MDGA1: variants seen among roughly 807,000 people sequenced by gnomAD.
The protein encoded by MDGA1 is MAM domain containing glycosylphosphatidylinositol anchor 1, also known as MAM domain-containing glycosylphosphatidylinositol anchor protein 1.
In MDGA1, 54 loss-of-function variants were observed where a neutral mutation model predicts 101.5. That is an observed-to-expected ratio of 0.53 (90% CI 0.43 to 0.67). MDGA1 has a LOEUF of 0.67. MDGA1 is among the 30% of genes least tolerant of loss of function. The pLI is 0.00. For synonymous variants in MDGA1, 533 were observed against 558.3 expected (o/e 0.95, Z 0.64); for missense variants, 1,083 against 1,323.8 (o/e 0.82, Z 2.82).
chr6:37,680,127 C>CG (rs1397334491), intron 1 of MDGA1, among the ~76,000 whole-genome samples: 2 of 152,058 alleles, frequency 1.3e-5, no homozygotes, highest in Admixed American at 1.3e-4. Flanking sequence ...ACTCCCCTCC[C>CG]GGGGGCGGGG....
In MDGA1 at chr6:37,691,082, A is replaced by G. The variant is rs555889035; in HGVS notation, c.67+5663T>C. Among the ~76,000 whole-genome samples, 13 of 152,112 alleles carry G rather than the reference A, an allele frequency of 8.5e-5. No homozygotes were observed. The South Asian group carries it at 1.9e-3, about 22-fold the overall frequency. Reference sequence around the variant, plus strand: ...TTATCAAAATCTCCCCCTACCTTACATGTGATTCCCCTTCTCCTTCCATCT... The same window carrying G: ...TTATCAAAATCTCCCCCTACCTTACGTGTGATTCCCCTTCTCCTTCCATCT... On this transcript the variant is annotated intron_variant, in intron 1 of 16. Transcript: ENST00000434837.
At chr6:37,658,968 C>CAAAAAAAAAA (rs34087406) in intron 2 of MDGA1, among the ~76,000 whole-genome samples, 14 of 109,464 alleles carry the variant, frequency 1.3e-4, no homozygotes, top group African/African-American at 4.1e-4. Context: ...AAGACTGTTT[C>CAAAAAAAAAA]AAAAAAAAAA....
chr6:37,691,039 G>A (rs865831032), intron 1 of MDGA1, among the ~76,000 whole-genome samples: 10 of 152,066 alleles, frequency 6.6e-5, no homozygotes, highest in African/African-American at 1.4e-4. Flanking sequence ...CCTTTTATCC[G>A]CCCTTGCTAC....
At chr6:37,671,848 A>C (rs1761875769) in intron 1 of MDGA1, among the ~76,000 whole-genome samples, 1 of 152,234 alleles carries the variant, frequency 6.6e-6, no homozygotes, top group South Asian at 2.1e-4. Context: ...CAGCAAGACA[A>C]ATGGAAAACC....
chr6:37,675,696 G>T (rs1372422496), intron 1 of MDGA1, among the ~76,000 whole-genome samples: 1 of 152,164 alleles, frequency 6.6e-6, no homozygotes, highest in Non-Finnish European at 1.5e-5. Flanking sequence ...CAAGGTCTGA[G>T]CCTTCCTGGC....
At chr6:37,692,628 G>A (rs890246316) in intron 1 of MDGA1, among the ~76,000 whole-genome samples, 6 of 151,920 alleles carry the variant, frequency 3.9e-5, no homozygotes, top group Admixed American at 2.0e-4. Context: ...TTCATTTGCC[G>A]GGCCTTGGCG....
At chr6:37,641,546 G>C (rs994895060) in intron 14 of MDGA1, among the ~76,000 whole-genome samples, 22 of 152,332 alleles carry the variant, frequency 1.4e-4, no homozygotes, top group African/African-American at 5.3e-4. Context: ...TCTTGACCAA[G>C]TTATGTAACA....
intron 1 of MDGA1, among the ~76,000 whole-genome samples, chr6:37,666,124 G>A (rs948637586): frequency 1.3e-5 from 2 of 150,612 alleles, no homozygotes; most frequent in African/African-American, 4.9e-5. Context: ...GAGGCGGGTG[G>A]ATCACGAGGT....
intron 2 of MDGA1, among the ~76,000 whole-genome samples, chr6:37,661,584 A>G (rs1236922819): frequency 6.6e-6 from 1 of 152,244 alleles, no homozygotes; most frequent in Non-Finnish European, 1.5e-5. Flanking sequence ...GCATTTTAGG[A>G]GAGGCAAGCA....
intron 14 of MDGA1, chr6:37,641,965 C>T (rs804831): frequency 0.77 from 116,844 of 152,064 alleles, 45,336 homozygotes; most frequent in African/African-American, 0.87. Flanking sequence ...AACTTCTCCA[C>T]GATGAGCCTT....
rs374882464 is a variant in MDGA1 at position 37,644,677 on chromosome 6, A to C, written c.2249-28T>G. 1.9e-5 allele frequency: 29 copies of C among 1,514,602 alleles called. No homozygotes were observed. The African/African-American group carries it at 3.2e-4, about 17-fold the overall frequency. 93.8% of individuals were successfully genotyped at this position (1,514,602 alleles called of 1,614,324 possible). A position where few individuals can be genotyped will look rare whatever the true frequency, so the allele number is the denominator to read the frequency against. ...GCATTTTATGGGGCGAATGAGACAA[A>C]GAGTCAGCCTCTTCAGTCCCTGAGG... is the stretch of plus-strand genomic sequence containing the variant. On this transcript the variant is annotated intron_variant, in intron 12 of 16. Coordinates refer to ENST00000434837, the MANE Select transcript of MDGA1 (RefSeq NM_153487.4).
intron 1 of MDGA1, among the ~76,000 whole-genome samples, chr6:37,673,221 G>A (rs953226239): frequency 2.0e-5 from 3 of 152,066 alleles, no homozygotes; most frequent in African/African-American, 4.8e-5. Context: ...CCCAGTGCAG[G>A]GCTCACAGCT....
At position 37,655,432 on chromosome 6, in the gene MDGA1, T is replaced by C. The variant is rs1335002763; in HGVS notation, c.579+268A>G. On this transcript the variant is annotated intron_variant, in intron 4 of 16. Transcript: ENST00000434837. This position sits in a 1 kb window ranked among gnomAD's most constrained non-coding sequence, Gnocchi z 5.1. ...CACCCAGCAGCAGACTGGGATGACC[T>C]GTCTGCCCCTAGGGGTGCCTTTTCC... The C allele has an allele frequency of 5.0e-6, 2 of 402,938 alleles. No individual in the cohort carries two copies. Among genetic ancestry groups the C allele is most frequent in the Non-Finnish European group, 8.9e-6 (2 of 225,220 alleles). The allele number at this position is 402,938 out of a possible 1,614,324, so 25.0% of individuals were successfully genotyped here.
In MDGA1 at chr6:37,652,176, G is replaced by A. The variant is rs564044265; in HGVS notation, c.1147C>T (p.Arg383Trp). 12 of 1,614,000 alleles carry A rather than the reference G, an allele frequency of 7.4e-6. No homozygotes were observed. Among genetic ancestry groups the A allele is most frequent in the Middle Eastern group, 1.6e-4 (1 of 6,062 alleles). ...GGATCATTGCGGGTCACCAGCAGCC[G>A]CTTGGACATGCGTGCCGGCTTGCCA... Reference protein sequence around the residue: ...KNGKPARMSKRLLVTRNDPEL... With the variant: ...KNGKPARMSKWLLVTRNDPEL... Residue 383 changes from arginine to tryptophan, a missense_variant, in exon 7 of 17, where the codon CGG becomes TGG. Around this residue, in one of 3 missense-constraint regions of MDGA1, gnomAD observed 116 missense variants for 196.6 expected, o/e 0.59. Transcript: ENST00000434837. The surrounding 1 kb of genome is among the most constrained non-coding windows in gnomAD (Gnocchi z 4.3).
chr6:37,648,013 G>C (rs1761254364), intron 9 of MDGA1: 1 of 152,444 alleles, frequency 6.6e-6, no homozygotes, highest in South Asian at 2.1e-4. Flanking sequence ...AGCTTTTGCA[G>C]GGAGGCGGCT....
chr6:37,658,359 T>TGAAC lies in MDGA1; in HGVS notation c.264_267dup (p.Asn90ValfsTer23), dbSNP rs760017921. 8 of 1,613,222 alleles carry TGAAC rather than the reference T, an allele frequency of 5.0e-6. No homozygotes were observed. Among genetic ancestry groups the TGAAC allele is most frequent in the Non-Finnish European group, 6.8e-6 (8 of 1,179,694 alleles). On this transcript the variant is annotated frameshift_variant, in exon 3 of 17. Coordinates refer to ENST00000434837, the MANE Select transcript of MDGA1 (RefSeq NM_153487.4). LOFTEE classifies it high-confidence loss of function. ...ATACGCTCGATGCGCAGCGTCTCGT[T>TGAAC]GAACACCGATGTCTCCTGGAACTTG...
Position 37,650,179 on chromosome 6 carries a change from G to C in MDGA1, c.1539C>G (p.Arg513=). Residue 513 remains arginine (R), a synonymous_variant, in exon 8 of 17, where the codon CGC becomes CGG. Coordinates refer to ENST00000434837, the MANE Select transcript of MDGA1 (RefSeq NM_153487.4). Reference sequence around the variant, plus strand: ...AGCCATTATAGCGGGCCGTCTGGCAGCGGTAGGTCCCGCTCATGTCTCGGC... The same window carrying C: ...AGCCATTATAGCGGGCCGTCTGGCACCGGTAGGTCCCGCTCATGTCTCGGC... The part of the protein sequence containing the change: ...RVSRDMSGTY[R]CQTARYNGFN... 4.3e-6 allele frequency: 7 copies of C among 1,612,646 alleles called. No individual in the cohort carries two copies. The highest frequency in any genetic ancestry group is 5.1e-6 in the Non-Finnish European group (6 of 1,179,114).
At position 37,631,710 on chromosome 6, in the gene MDGA1, ATAAGTGACCTT is replaced by A. The variant is rs1201334661; in HGVS notation, c.*5647_*5657del. On this transcript the variant is annotated 3_prime_UTR_variant, in exon 17 of 17. Coordinates refer to ENST00000434837, the MANE Select transcript of MDGA1 (RefSeq NM_153487.4). Reference sequence around the variant, plus strand: ...TACAATATATGAGTAGATGTTTGAAATAAGTGACCTTTAAGGACCTCCTAGCTCTGAAATTC... The same window carrying A: ...TACAATATATGAGTAGATGTTTGAAATAAGGACCTCCTAGCTCTGAAATTC... The A allele has an allele frequency of 1.3e-5, 2 of 152,176 alleles. No homozygotes were observed. Among genetic ancestry groups the A allele is most frequent in the African/African-American group, 4.8e-5 (2 of 41,440 alleles). The allele number at this position is 152,176 out of a possible 1,614,324, so 9.4% of individuals were successfully genotyped here.
chr6:37,696,830 A>C lies in MDGA1; in HGVS notation c.-19T>G. On this transcript the variant is annotated 5_prime_UTR_variant, in exon 1 of 17. It removes an upstream start codon present in the reference 5' UTR. Coordinates refer to ENST00000434837, the MANE Select transcript of MDGA1 (RefSeq NM_153487.4). The surrounding 1 kb of genome is among the most constrained non-coding windows in gnomAD (Gnocchi z 5.6). ...CCTCCATCTTCACGGCCGGTGCTTC[A>C]TCCCCGCGAGGCGGCGCAGCCCGAG... 3.2e-6 allele frequency: 5 copies of C among 1,559,912 alleles called. No individual in the cohort carries two copies. The highest frequency in any genetic ancestry group is 3.5e-6 in the Non-Finnish European group (4 of 1,151,608).
Sources: allele counts gnomAD v4.1 joint callset (sites outside exome capture counted in the v4.1 genomes callset), GRCh38; gene constraint gnomAD v4.1.1; regional missense constraint gnomAD v4.1.1; non-coding constraint Gnocchi (gnomAD v3.1); transcripts MANE v1.5; gene names NCBI Gene and HGNC (gene_info 2026-07-23, HGNC 2026-07-21).